The following MTAP variants were observed in gnomAD, a reference collection of about 807,000 sequenced individuals.
MTAP encodes the protein S-methyl-5'-thioadenosine phosphorylase.
In MTAP, 33 loss-of-function variants were observed where a neutral mutation model predicts 33.6. That is an observed-to-expected ratio of 0.98 (90% CI 0.74 to 1.31). The LOEUF is 1.31. MTAP is among the 40% of genes most tolerant of loss of function. The pLI is 0.00. For synonymous variants in MTAP, 148 were observed against 125.7 expected, an observed-to-expected ratio of 1.18 and a Z score of -1.19; for missense variants, 367 against 360.0, an observed-to-expected ratio of 1.02 and a Z score of -0.16.
downstream of MTAP, among the ~76,000 whole-genome samples, chr9:21,869,239 T>C (rs1825899415): frequency 6.6e-6 from 1 of 152,170 alleles, no homozygotes; most frequent in Admixed American, 6.5e-5. Flanking sequence ...CAGTCTTTCC[T>C]TAGTCCTCTT....
chr9:21,804,875 A>G (rs1030576061), intron 1 of MTAP, among the ~76,000 whole-genome samples: 21 of 152,210 alleles, frequency 1.4e-4, no homozygotes, highest in Non-Finnish European at 2.8e-4. Context: ...CATTCCACCA[A>G]CTAGATGTGA....
At chr9:21,827,299 A>G (rs1357589916) in intron 4 of MTAP, among the ~76,000 whole-genome samples, 3 of 152,148 alleles carry the variant, frequency 2.0e-5, no homozygotes, top group Non-Finnish European at 1.5e-5. Context: ...CCCATCAGTT[A>G]TCTCTGAGCT....
chr9:21,839,629 A>C (rs982192305), intron 5 of MTAP, among the ~76,000 whole-genome samples: 2 of 152,236 alleles, frequency 1.3e-5, no homozygotes, highest in Non-Finnish European at 2.9e-5. Context: ...GAAAATGGCA[A>C]AATAAGCATT....
intron 4 of MTAP, among the ~76,000 whole-genome samples, chr9:21,835,267 A>C (rs955410966): frequency 6.6e-6 from 1 of 152,206 alleles, no homozygotes; most frequent in African/African-American, 2.4e-5. Flanking sequence ...GGATTTCAGC[A>C]TAGGAATTTT....
downstream of MTAP, among the ~76,000 whole-genome samples, chr9:21,938,404 A>C (rs528659298): frequency 5.3e-5 from 8 of 152,042 alleles, no homozygotes; most frequent in African/African-American, 1.7e-4. Context: ...ATGCTACTGT[A>C]TTCCAGCCTG....
chr9:21,923,010 C>G (rs74842384), intron 1 of MTAP, among the ~76,000 whole-genome samples: 1 of 152,206 alleles, frequency 6.6e-6, no homozygotes, highest in Non-Finnish European at 1.5e-5. Flanking sequence ...TGTTCTGAAA[C>G]GGCCTTGTGT....
At chr9:21,837,859 A>T in intron 4 of MTAP, 49 bp from the exon 5 acceptor site, 1 of 1,505,242 alleles carries the variant, frequency 6.6e-7, no homozygotes, top group Non-Finnish European at 9.2e-7. Context: ...GGATGGAAAG[A>T]TGGCCTTAAA....
At chr9:21,940,936 G>A (rs1819128505), downstream of MTAP, 2 of 942,678 alleles carry the variant, frequency 2.1e-6, no homozygotes, top group Non-Finnish European at 2.5e-6. Flanking sequence ...GGAAAGGGGT[G>A]CTAAAAGTTA....
intron 1 of MTAP, chr9:21,809,006 AAG>A (rs1824278734): frequency 6.6e-6 from 1 of 152,194 alleles, no homozygotes; most frequent in Admixed American, 6.5e-5. Context: ...GAACTGTGAG[AAG>A]ATAAGTTTCT....
At chr9:21,916,521 A>C (rs538146488) in intron 1 of MTAP, among the ~76,000 whole-genome samples, 15 of 152,202 alleles carry the variant, frequency 9.9e-5, no homozygotes, top group Non-Finnish European at 2.1e-4. Flanking sequence ...GAGTCAGGAG[A>C]ATCACTTGAA....
intron 1 of MTAP, among the ~76,000 whole-genome samples, chr9:21,805,701 A>G (rs1824191201): frequency 6.6e-6 from 1 of 152,152 alleles, no homozygotes; most frequent in African/African-American, 2.4e-5. Flanking sequence ...TATTCCCTCT[A>G]CTAAGTGAGA....
At chr9:21,893,891 C>T (rs1181351838) in intron 1 of MTAP, 1 of 151,048 alleles carries the variant, frequency 6.6e-6, no homozygotes, top group Non-Finnish European at 1.5e-5. Flanking sequence ...AGGGACTCCT[C>T]TCTAACTTAT....
chr9:21,813,893 A>G (rs575308927), intron 1 of MTAP: 1 of 152,212 alleles, frequency 6.6e-6, no homozygotes, highest in South Asian at 2.1e-4. Context: ...AACAGTATGA[A>G]TTTTTGTTAT....
chr9:21,932,768 A>G (rs1818983495), downstream of MTAP: 1 of 152,204 alleles, frequency 6.6e-6, no homozygotes, highest in South Asian at 2.1e-4. Context: ...AGCCAACTCT[A>G]CATGTATAAA....
chr9:21,893,094 A>G (rs1221059330), intron 1 of MTAP: 1 of 152,246 alleles, frequency 6.6e-6, no homozygotes, highest in African/African-American at 2.4e-5. Flanking sequence ...AAAGTACAAC[A>G]TACCAGAATC....
intron 4 of MTAP, among the ~76,000 whole-genome samples, chr9:21,826,710 C>G (rs1388013842): frequency 6.6e-6 from 1 of 151,700 alleles, no homozygotes; most frequent in Non-Finnish European, 1.5e-5. Flanking sequence ...CAATAATAGA[C>G]TGCCAAATTT....
chr9:21,889,022 A>C (rs1342680654), intron 1 of MTAP, among the ~76,000 whole-genome samples: 1 of 152,126 alleles, frequency 6.6e-6, no homozygotes, highest in Non-Finnish European at 1.5e-5. Flanking sequence ...TTGAATGTCT[A>C]GATCTCTAGC....
intron 1 of MTAP, among the ~76,000 whole-genome samples, chr9:21,894,360 C>T (rs1246494765): frequency 3.3e-5 from 5 of 152,118 alleles, no homozygotes; most frequent in African/African-American, 4.8e-5. Flanking sequence ...AAGATGCCCA[C>T]TCTCACCACT....
chr9:21,929,719 G>A (rs527321544), intron 1 of MTAP: 2 of 214,104 alleles, frequency 9.3e-6, no homozygotes, highest in African/African-American at 4.5e-5. Context: ...ATTTGGGTCT[G>A]CAAATAACAT....
Sources: allele counts gnomAD v4.1 joint callset (sites outside exome capture counted in the v4.1 genomes callset), GRCh38; gene constraint gnomAD v4.1.1; transcripts MANE v1.5; gene names NCBI Gene and HGNC (gene_info 2026-07-23, HGNC 2026-07-21).